BDP1: variants seen among roughly 807,000 people sequenced by gnomAD.
The protein encoded by BDP1 is transcription factor TFIIIB component B'' homolog.
A neutral mutation model predicts 266.6 loss-of-function variants in BDP1; 169 were observed. That is an observed-to-expected ratio of 0.63 (90% CI 0.56 to 0.72). BDP1 has a LOEUF of 0.72. Ranked by LOEUF, BDP1 falls within the 30% of genes least tolerant of loss-of-function variation. BDP1 has a pLI of 0.00. For synonymous variants in BDP1, 1,090 were observed against 1,022.4 expected, an observed-to-expected ratio of 1.07 and a Z score of -1.26; for missense variants, 3,015 against 3,053.8, an observed-to-expected ratio of 0.99 and a Z score of 0.30.
At chr5:71,541,837 T>TA (rs1277315881) in intron 29 of BDP1, among the ~76,000 whole-genome samples, 155 bp downstream of exon 29, 1 of 152,248 alleles carries the variant, frequency 6.6e-6, no homozygotes, top group Non-Finnish European at 1.5e-5. Context: ...TTTGCATGTT[T>TA]AAATTATAGT....
In BDP1 at chr5:71,522,319, A is replaced by G; in HGVS notation, c.5022A>G (p.Ser1674=). The part of the protein sequence containing the change: ...RHENKPYVPS[S]AQMTRRKFQK... ...AAAATAAACCGTATGTTCCTAGTTC[A>G]GCACAAATGACAAGAAGGAAATTCC... Residue 1674 remains serine, a synonymous_variant, in exon 23 of 39, where the codon TCA becomes TCG. Coordinates refer to ENST00000358731, the MANE Select transcript of BDP1 (RefSeq NM_018429.3). 6.2e-7 allele frequency: 1 copy of G among 1,613,968 alleles called. No individual in the cohort carries two copies. The highest frequency in any genetic ancestry group is 8.5e-7 in the Non-Finnish European group (1 of 1,179,938).
chr5:71,569,818 C>A (rs187119087), downstream of BDP1, among the ~76,000 whole-genome samples: 3,026 of 152,214 alleles, frequency 0.02, 102 homozygotes, highest in African/African-American at 0.069. Context: ...AAAAAAAAAT[C>A]TGCAGGTGAT....
intron 25 of BDP1, 91 bp downstream of exon 25, chr5:71,524,414 A>T (rs1340759582): frequency 6.9e-6 from 9 of 1,299,630 alleles, no homozygotes; most frequent in Non-Finnish European, 9.5e-6. Context: ...TCTCGTAGTG[A>T]TTATTAGGAT....
chr5:71,484,277 A>G (rs1424532958), intron 8 of BDP1, among the ~76,000 whole-genome samples: 2 of 152,196 alleles, frequency 1.3e-5, no homozygotes, highest in African/African-American at 4.8e-5. Flanking sequence ...CATTCAGTCA[A>G]TAACACTGAC....
At position 71,504,675 on chromosome 5, in the gene BDP1, A is replaced by C; in HGVS notation, c.2296A>C (p.Ile766Leu). Reference protein sequence around the residue: ...SRKDFEEEDVILQPEKNDSFQ... With the variant: ...SRKDFEEEDVLLQPEKNDSFQ... Reference sequence around the variant, plus strand: ...TAAAGATTTTGAAGAGGAAGATGTCATATTACAGCCTGAGAAAAATGATTC... The same window carrying C: ...TAAAGATTTTGAAGAGGAAGATGTCCTATTACAGCCTGAGAAAAATGATTC... Residue 766 changes from isoleucine to leucine, a missense_variant, in exon 16 of 39, where the codon ATA becomes CTA. Ile to Leu is a conservative substitution (Grantham distance 5). This residue lies in a region of BDP1 where 2,383 missense variants were observed against 2,404.9 expected (regional missense o/e 0.99). Transcript: ENST00000358731. The C allele has an allele frequency of 6.2e-7, 1 of 1,613,596 alleles. No homozygotes were observed. The highest frequency in any genetic ancestry group is 8.5e-7 in the Non-Finnish European group (1 of 1,179,622).
chr5:71,498,126 A>G (rs1764004804), intron 13 of BDP1, among the ~76,000 whole-genome samples: 2 of 151,352 alleles, frequency 1.3e-5, no homozygotes, highest in African/African-American at 2.4e-5. Flanking sequence ...AATTTTTTGT[A>G]TTTTTAGTAG....
chr5:71,571,182 T>C (rs1329295705), downstream of BDP1, among the ~76,000 whole-genome samples: 1 of 152,220 alleles, frequency 6.6e-6, no homozygotes, highest in Non-Finnish European at 1.5e-5. Flanking sequence ...TCTGGCCCTG[T>C]TACCTAGGCT....
chr5:71,557,330 T>C (rs1414206787), intron 36 of BDP1, among the ~76,000 whole-genome samples: 4 of 148,902 alleles, frequency 2.7e-5, no homozygotes, highest in African/African-American at 9.9e-5. Context: ...CACCTCAGCC[T>C]CCTAACTAGC....
chr5:71,506,823 A>ACACACACACACACACACAC (rs377599570), intron 16 of BDP1, among the ~76,000 whole-genome samples: 2 of 141,724 alleles, frequency 1.4e-5, no homozygotes, highest in South Asian at 2.3e-4. Flanking sequence ...ACACACACAC[A>ACACACACACACACACACAC]CCCATATTTT....
At chr5:71,513,472 A>T in intron 19 of BDP1, 65 bp downstream of exon 19, 1 of 919,904 alleles carries the variant, frequency 1.1e-6, no homozygotes, top group East Asian at 2.5e-5. Context: ...TATTAGGACT[A>T]CTAAAAGCAC....
the BDP1 span, among the ~76,000 whole-genome samples, chr5:71,573,151 C>A: frequency 2.0e-5 from 3 of 151,756 alleles, no homozygotes; most frequent in African/African-American, 7.3e-5. Flanking sequence ...ATGCTTGAAC[C>A]CGGGAGGCAG....
Position 71,524,147 on chromosome 5 carries a change from G to A in BDP1, c.5596G>A (p.Val1866Met), listed in dbSNP as rs1011277615. 1.2e-6 allele frequency: 2 copies of A among 1,614,200 alleles called. No individual in the cohort carries two copies. The highest frequency in any genetic ancestry group is 1.3e-5 in the African/African-American group (1 of 75,042). ...KEPRASKAML[V>M]TLRASQEEDD... The stretch of plus-strand genomic sequence containing the variant: ...ACCTAGAGCTTCCAAGGCCATGCTG[G>A]TGACTCTTCGGGCTTCCCAGGAAGA... The change falls in exon 25 of 39, where the codon GTG becomes ATG. Residue 1866 changes from valine (V) to methionine (M), a missense_variant. Around this residue, in one of 3 missense-constraint regions of BDP1, gnomAD observed 2,383 missense variants for 2,404.9 expected, o/e 0.99. Coordinates refer to ENST00000358731, the MANE Select transcript of BDP1 (RefSeq NM_018429.3).
At chr5:71,487,717 A>G (rs1763352318) in intron 9 of BDP1, among the ~76,000 whole-genome samples, 1 of 152,228 alleles carries the variant, frequency 6.6e-6, no homozygotes, top group African/African-American at 2.4e-5. Context: ...AGGAAGACTA[A>G]GGATTCAGCA....
rs377592205 is a variant in BDP1, at chr5:71,478,691, A to G, written c.1015-5151A>G. 2.0e-5 allele frequency among the ~76,000 whole-genome samples: 3 copies of G among 151,778 alleles called. 1 individual carries two copies. The highest frequency in any genetic ancestry group is 4.8e-5 in the African/African-American group (2 of 41,426). On this transcript the variant is annotated intron_variant, in intron 7 of 38. Transcript: ENST00000358731. ...TTTTTTAATTTTAGTATTCAGCTGT[A>G]TGACGATGATATGCCTAGCTTTAGT...
chr5:71,536,744 C>T (rs557320025), intron 26 of BDP1, among the ~76,000 whole-genome samples: 2 of 152,120 alleles, frequency 1.3e-5, no homozygotes, highest in South Asian at 2.1e-4. Context: ...GCAGGAGGAT[C>T]GCCTGGGCCC....
chr5:71,561,769 A>G (rs1200262907), intron 37 of BDP1, among the ~76,000 whole-genome samples: 1 of 152,214 alleles, frequency 6.6e-6, no homozygotes, highest in African/African-American at 2.4e-5. Flanking sequence ...GATAAAATGC[A>G]GAACTCAGGC....
chr5:71,568,431 G>A (rs1744151104), downstream of BDP1, among the ~76,000 whole-genome samples: 1 of 152,150 alleles, frequency 6.6e-6, no homozygotes, highest in Non-Finnish European at 1.5e-5. Flanking sequence ...CTGTCTTCAT[G>A]GTGACCAGTG....
intron 30 of BDP1, among the ~76,000 whole-genome samples, chr5:71,542,837 G>A (rs900091567): frequency 3.9e-5 from 6 of 152,120 alleles, no homozygotes; most frequent in Admixed American, 1.3e-4. Context: ...GTTATATACT[G>A]TATTCTTATG....
In BDP1 at chr5:71,509,609, C is replaced by T. The variant is rs780176162; in HGVS notation, c.2517C>T (p.Val839=). The T allele has an allele frequency of 3.1e-6, 5 of 1,613,768 alleles. No homozygotes were observed. In the African/African-American group the frequency reaches 5.3e-5, roughly 17 times the overall value. ...SKEEVLEKIL[V]SGEMAAALRE... ...AAGAGGTACTAGAGAAGATTCTTGT[C>T]TCTGGGGAAATGGCGGCAGCATTGA... The change falls in exon 17 of 39, where the codon GTC becomes GTT. Residue 839 remains valine (V), a synonymous_variant. Transcript: ENST00000358731.
Sources: gnomAD v4.1 joint callset for allele counts (sites outside exome capture counted in the v4.1 genomes callset) on GRCh38, gnomAD v4.1.1 for gene constraint, gnomAD v4.1.1 regional missense constraint, MANE v1.5 for transcripts, NCBI Gene and HGNC (gene_info 2026-07-23, HGNC 2026-07-21) for gene names.